RETREG3: variants seen among roughly 807,000 people sequenced by gnomAD.
RETREG3 encodes reticulophagy regulator 3.
In RETREG3, 23 loss-of-function variants were observed where a neutral mutation model predicts 50.2. The ratio of observed to expected loss-of-function variants is 0.46; its 90% CI spans 0.33 to 0.65. RETREG3 has a LOEUF of 0.65. RETREG3 is among the 30% of genes least tolerant of loss of function. The pLI, the probability that RETREG3 is intolerant of heterozygous loss-of-function variation, is 0.02. For missense variants in RETREG3, 546 were observed against 598.0 expected (o/e 0.91, Z 0.91); for synonymous variants, 240 against 234.4 (o/e 1.02, Z -0.22).
chr17:42,592,537 TGAC>T lies in RETREG3; in HGVS notation c.240-378_240-376del, dbSNP rs113320395. Among the ~76,000 whole-genome samples, 746 of 152,332 alleles carry T rather than the reference TGAC, an allele frequency of 4.9e-3. 4 individuals carry two copies. Among genetic ancestry groups the T allele is most frequent in the African/African-American group, 0.017 (721 of 41,576 alleles). On this transcript the variant is annotated intron_variant, in intron 1 of 8. Transcript: ENST00000309428. ...TAGACCCTAGTGTAGGGCAACAAACTGACAGAGATGCACTCAAGAGCATTTAAT... is the reference window on the plus strand; with the variant it reads ...TAGACCCTAGTGTAGGGCAACAAACTAGAGATGCACTCAAGAGCATTTAAT...
chr17:42,585,004 T>TCACCCCCACCAACTA (rs2093118249), intron 6 of RETREG3, 121 bp downstream of exon 6: 1 of 1,250,316 alleles, frequency 8.0e-7, no homozygotes. Context: ...CTATCAATCC[T>TCACCCCCACCAACTA]CACCCCCACC....
intron 1 of RETREG3, among the ~76,000 whole-genome samples, chr17:42,597,518 T>A (rs2143409182): frequency 7.9e-6 from 1 of 125,832 alleles, no homozygotes; most frequent in Non-Finnish European, 1.7e-5. Context: ...TGTGTGTGTG[T>A]GTGTGTATAT....
In RETREG3 at chr17:42,582,746, C is replaced by A. The variant is rs1297617139; in HGVS notation, c.871G>T (p.Glu291Ter). ...GTGCCATTGTCTGTACAGGAGACTT[C>A]AGCGTCTGAGTGCTCAGAGTCTGTG... The part of the protein sequence containing the change: ...AITDSEHSDA[E>*]VSCTDNGTFN... Residue 291 changes from glutamate to a stop codon, truncating the protein, a stop_gained, in exon 8 of 9, where the codon GAA becomes TAA. Transcript: ENST00000309428. LOFTEE classifies it high-confidence loss of function. 1 of 1,614,106 alleles carries A rather than the reference C, an allele frequency of 6.2e-7. No homozygotes were observed. The highest frequency in any genetic ancestry group is 1.3e-5 in the African/African-American group (1 of 74,932).
chr17:42,589,027 G>C (rs968475046), intron 2 of RETREG3, among the ~76,000 whole-genome samples: 9 of 151,810 alleles, frequency 5.9e-5, no homozygotes, highest in South Asian at 2.1e-4. Context: ...TGCCTCCTTG[G>C]GGGGCTGAGG....
In RETREG3 at chr17:42,583,522, C is replaced by T. The variant is rs1183176182; in HGVS notation, c.786G>A (p.Glu262=). 9.3e-6 allele frequency: 15 copies of T among 1,613,732 alleles called. No homozygotes were observed. Among genetic ancestry groups the T allele is most frequent in the Non-Finnish European group, 1.0e-5 (12 of 1,179,832 alleles). Residue 262 remains glutamate, a synonymous_variant, in exon 7 of 9, where the codon GAG becomes GAA. Transcript: ENST00000309428. Reference sequence around the variant, plus strand: ...CCTGAGGACAGAAGGCAGCAAGCTCCTCTTCGCTGTCACTGTGGTTGTCCA... The same window carrying T: ...CCTGAGGACAGAAGGCAGCAAGCTCTTCTTCGCTGTCACTGTGGTTGTCCA... ...RAMDNHSDSE[E]ELAAFCPQLD... is the part of the protein sequence containing the mutation.
At chr17:42,601,583 AAAAG>A (rs1167459827) in intron 1 of RETREG3, among the ~76,000 whole-genome samples, 2 of 149,804 alleles carry the variant, frequency 1.3e-5, no homozygotes, top group African/African-American at 2.4e-5. Flanking sequence ...TCAAAAAAAA[AAAAG>A]AAAAGAAAAA....
At position 42,585,272 on chromosome 17, in the gene RETREG3, G is replaced by A. The variant is rs1695686490; in HGVS notation, c.590-10C>T. 1.2e-6 allele frequency: 2 copies of A among 1,611,272 alleles called. No individual in the cohort carries two copies. Among genetic ancestry groups the A allele is most frequent in the South Asian group, 2.2e-5 (2 of 91,000 alleles). On this transcript the variant is annotated splice_polypyrimidine_tract_variant and intron_variant, in intron 5 of 8. Coordinates refer to ENST00000309428, the MANE Select transcript of RETREG3 (RefSeq NM_178126.4). ...ATCATGACAGTGACAACTGTGAGGA[G>A]GCATGGGAAACAGTGACAAAATGGA...
intron 1 of RETREG3, among the ~76,000 whole-genome samples, chr17:42,592,375 T>C (rs2093135025): frequency 6.6e-6 from 1 of 152,204 alleles, no homozygotes; most frequent in South Asian, 2.1e-4. Flanking sequence ...AATTTGCTGC[T>C]GTAAAGGCAG....
At chr17:42,597,519 G>GTATATA (rs1491488214) in intron 1 of RETREG3, among the ~76,000 whole-genome samples, 3 of 117,172 alleles carry the variant, frequency 2.6e-5, no homozygotes, top group African/African-American at 9.7e-5. Context: ...GTGTGTGTGT[G>GTATATA]TGTGTATATA....
chr17:42,594,759 G>A (rs1338912662), intron 1 of RETREG3, among the ~76,000 whole-genome samples: 1 of 151,660 alleles, frequency 6.6e-6, no homozygotes, highest in Non-Finnish European at 1.5e-5. Context: ...GCTGAGGCAG[G>A]AGAATGGCGT....
intron 1 of RETREG3, chr17:42,608,789 C>A: frequency 2.7e-6 from 1 of 366,164 alleles, no homozygotes; most frequent in Non-Finnish European, 4.9e-6. Context: ...TTGTCGGGCT[C>A]AAAAGAGGAG....
At chr17:42,583,778 C>T (rs1242762426) in intron 6 of RETREG3, among the ~76,000 whole-genome samples, 198 bp from the exon 7 acceptor site, 1 of 152,180 alleles carries the variant, frequency 6.6e-6, no homozygotes, top group African/African-American at 2.4e-5. Flanking sequence ...AATATCTCAG[C>T]TTCCAACATC....
chr17:42,589,676 C>T (rs573665073), intron 2 of RETREG3, among the ~76,000 whole-genome samples: 1 of 152,328 alleles, frequency 6.6e-6, no homozygotes, highest in East Asian at 1.9e-4. Context: ...TCAAGCAATT[C>T]TCCTGCCTTG....
intron 1 of RETREG3, among the ~76,000 whole-genome samples, chr17:42,606,424 C>T (rs963915485): frequency 1.3e-5 from 2 of 150,812 alleles, no homozygotes; most frequent in Admixed American, 6.6e-5. Flanking sequence ...GGTGAAATCC[C>T]GTCTCTACTA....
At chr17:42,588,808 C>A (rs557503536) in intron 2 of RETREG3, among the ~76,000 whole-genome samples, 2 of 152,196 alleles carry the variant, frequency 1.3e-5, no homozygotes, top group East Asian at 3.9e-4. Flanking sequence ...TAGGCACCTG[C>A]CACCACGCCT....
At chr17:42,601,300 C>T (rs965856515) in intron 1 of RETREG3, among the ~76,000 whole-genome samples, 14 of 148,516 alleles carry the variant, frequency 9.4e-5, no homozygotes, top group African/African-American at 2.7e-4. Context: ...TAAACTAAGA[C>T]GGTGGCTCAA....
At chr17:42,605,809 A>G (rs1380547015) in intron 1 of RETREG3, among the ~76,000 whole-genome samples, 2 of 152,014 alleles carry the variant, frequency 1.3e-5, no homozygotes, top group African/African-American at 2.4e-5. Flanking sequence ...CCTGGCCAAC[A>G]TGGTGAAACT....
At position 42,583,509 on chromosome 17, in the gene RETREG3, A is replaced by G. The variant is rs1397011919; in HGVS notation, c.799T>C (p.Phe267Leu). The G allele has an allele frequency of 6.2e-7, 1 of 1,613,646 alleles. No homozygotes were observed. Among genetic ancestry groups the G allele is most frequent in the Non-Finnish European group, 8.5e-7 (1 of 1,179,700 alleles). Residue 267 changes from phenylalanine (F) to leucine (L), a missense_variant, in exon 7 of 9, where the codon TTC becomes CTC. By Grantham distance (22) the Phe-to-Leu change is conservative. Transcript: ENST00000309428. ...HSDSEEELAAFCPQLDDSTVA... is the reference protein window; with the variant it reads ...HSDSEEELAALCPQLDDSTVA... ...CACACTCAAGATACCTGAGGACAGA[A>G]GGCAGCAAGCTCCTCTTCGCTGTCA...
At chr17:42,600,278 G>A (rs1291792553) in intron 1 of RETREG3, among the ~76,000 whole-genome samples, 2 of 152,042 alleles carry the variant, frequency 1.3e-5, no homozygotes, top group African/African-American at 4.8e-5. Context: ...ATTTACTTGG[G>A]AAGCTGAGGT....
Sources: gnomAD v4.1 joint callset for allele counts (sites outside exome capture counted in the v4.1 genomes callset) on GRCh38, gnomAD v4.1.1 for gene constraint, MANE v1.5 for transcripts, NCBI Gene and HGNC (gene_info 2026-07-23, HGNC 2026-07-21) for gene names.